Variants in SV2B observed in about 807,000 individuals in gnomAD.
SV2B encodes the protein solute carrier family 22 member B2.
A neutral mutation model predicts 73.9 loss-of-function variants in SV2B; 41 were observed. The observed-to-expected ratio is 0.56, with a 90% CI of 0.43 to 0.72. SV2B has a LOEUF of 0.72. Among genes scored for constraint, SV2B ranks in the 30% least tolerant of loss-of-function variants. The probability of loss-of-function intolerance (pLI) is 0.00; values close to 1 mark genes in which losing one functional copy is unlikely to be tolerated. For synonymous variants in SV2B, 314 were observed against 314.2 expected, an observed-to-expected ratio of 1.00 and a Z score of 0.01; for missense variants, 764 against 857.8, an observed-to-expected ratio of 0.89 and a Z score of 1.37.
chr15:91,201,216 G>T (rs2045448514), intron 1 of SV2B, among the ~76,000 whole-genome samples: 2 of 152,098 alleles, frequency 1.3e-5, no homozygotes, highest in South Asian at 4.1e-4. Context: ...CCCTTTTTGG[G>T]TGCCTCTTTG....
At chr15:91,217,006 G>A (rs533101694) in intron 1 of SV2B, among the ~76,000 whole-genome samples, 1 of 150,670 alleles carries the variant, frequency 6.6e-6, no homozygotes, top group East Asian at 2.0e-4. Flanking sequence ...TCCTGCCTCA[G>A]CATCCTGAAT....
In SV2B at chr15:91,136,475, C is replaced by T. The variant is rs1032943260; in HGVS notation, c.-392+36112C>T. ...TGGAGAACCAGTGGGAAGGCCCATG[C>T]GTCTCGGGTGCTTTGTCCCAGGGAG... On this transcript the variant is annotated intron_variant, in intron 1 of 12. Coordinates refer to ENST00000394232, the MANE Select transcript of SV2B (RefSeq NM_001323032.3). The surrounding 1 kb of genome is among the most constrained non-coding windows in gnomAD (Gnocchi z 5.6). 1.2e-4 allele frequency among the ~76,000 whole-genome samples: 18 copies of T among 152,192 alleles called. No individual in the cohort carries two copies. Among genetic ancestry groups the T allele is most frequent in the African/African-American group, 4.1e-4 (17 of 41,460 alleles).
intron 1 of SV2B, among the ~76,000 whole-genome samples, chr15:91,176,205 C>T (rs2044302662): frequency 6.6e-6 from 1 of 152,158 alleles, no homozygotes; most frequent in African/African-American, 2.4e-5. Flanking sequence ...CATGTCCCTA[C>T]AAAGGACATG....
At chr15:91,256,451 C>A (rs974766569) in intron 4 of SV2B, among the ~76,000 whole-genome samples, 2 of 152,054 alleles carry the variant, frequency 1.3e-5, no homozygotes, top group Admixed American at 6.6e-5. Flanking sequence ...CTGCTTCTGC[C>A]CCTCTTCCCT....
chr15:91,281,843 A>G lies in SV2B; in HGVS notation c.1489A>G (p.Thr497Ala), dbSNP rs1331972958. The stretch of plus-strand genomic sequence containing the variant: ...CTTCAAAAATTGTACCATTGAATCA[A>G]CCATCTTTTACAACACAGGTAGGTA... ...TYFKNCTIES[T>A]IFYNTDLYEH... The change falls in exon 10 of 13, where the codon ACC becomes GCC. Residue 497 changes from threonine (T) to alanine (A), a missense_variant. Coordinates refer to ENST00000394232, the MANE Select transcript of SV2B (RefSeq NM_001323032.3). This position sits in a 1 kb window ranked among gnomAD's most constrained non-coding sequence, Gnocchi z 4.7. 2 of 1,611,984 alleles carry G rather than the reference A, an allele frequency of 1.2e-6. No individual in the cohort carries two copies. Among genetic ancestry groups the G allele is most frequent in the Non-Finnish European group, 1.7e-6 (2 of 1,178,958 alleles).
chr15:91,233,162 A>G (rs979188206), intron 2 of SV2B, among the ~76,000 whole-genome samples: 3 of 152,170 alleles, frequency 2.0e-5, no homozygotes, highest in Non-Finnish European at 4.4e-5. Flanking sequence ...CTCTATTTCT[A>G]GGAGTAAAGA....
Position 91,136,829 on chromosome 15 carries a change from G to A in SV2B, c.-392+36466G>A, listed in dbSNP as rs773619986. Reference sequence around the variant, plus strand: ...ATGGGATCCAGAGGTGGGTGGCAGTGATGAAACAAGAGGGCAAGCAGCTTT... The same window carrying A: ...ATGGGATCCAGAGGTGGGTGGCAGTAATGAAACAAGAGGGCAAGCAGCTTT... On this transcript the variant is annotated intron_variant, in intron 1 of 12. Coordinates refer to ENST00000394232, the MANE Select transcript of SV2B (RefSeq NM_001323032.3). The surrounding 1 kb of genome is among the most constrained non-coding windows in gnomAD (Gnocchi z 5.6). Among the ~76,000 whole-genome samples the A allele has an allele frequency of 1.1e-4, 16 of 152,166 alleles. No individual in the cohort carries two copies. Among genetic ancestry groups the A allele is most frequent in the Non-Finnish European group, 1.9e-4 (13 of 68,024 alleles).
At chr15:91,243,462 GTGACAGATACCCC>G (rs1412885451) in intron 2 of SV2B, among the ~76,000 whole-genome samples, 29 of 152,316 alleles carry the variant, frequency 1.9e-4, no homozygotes, top group South Asian at 2.1e-4. Context: ...ATTAAGGAAA[GTGACAGATACCCC>G]TCTGCCCCAA....
chr15:91,221,226 G>A (rs1382374105), intron 1 of SV2B, among the ~76,000 whole-genome samples: 2 of 152,138 alleles, frequency 1.3e-5, no homozygotes, highest in Non-Finnish European at 2.9e-5. Context: ...GATCACATCT[G>A]TACCAGACAC....
chr15:91,215,447 A>C (rs1021286332), intron 1 of SV2B, among the ~76,000 whole-genome samples: 1 of 152,196 alleles, frequency 6.6e-6, no homozygotes, highest in Non-Finnish European at 1.5e-5. Context: ...TAAGGATCAC[A>C]CTAGAAAACA....
intron 1 of SV2B, among the ~76,000 whole-genome samples, chr15:91,205,952 T>G (rs1478385717): frequency 1.3e-5 from 2 of 152,198 alleles, no homozygotes; most frequent in Non-Finnish European, 2.9e-5. Context: ...CCCCTTGGCA[T>G]GATACATATG....
At chr15:91,134,164 A>G (rs571450336) in intron 1 of SV2B, among the ~76,000 whole-genome samples, 84 of 151,672 alleles carry the variant, frequency 5.5e-4, no homozygotes, top group Middle Eastern at 6.8e-3. Context: ...ACGCCTGGCT[A>G]ATTTTTGTAT....
intron 1 of SV2B, among the ~76,000 whole-genome samples, chr15:91,162,664 C>G (rs1567303978): frequency 6.6e-6 from 1 of 152,210 alleles, no homozygotes; most frequent in African/African-American, 2.4e-5. Context: ...AGGGAAAAAT[C>G]AGGTTCCAAT....
intron 1 of SV2B, among the ~76,000 whole-genome samples, chr15:91,167,000 A>G (rs2043939052): frequency 1.3e-5 from 2 of 151,914 alleles, no homozygotes; most frequent in South Asian, 4.2e-4. Flanking sequence ...TTTTTAGTAG[A>G]GACGGGGTTT....
rs976715000 is a variant in SV2B, at chr15:91,240,248, CTTGG to C, written c.452-11568_452-11565del. On this transcript the variant is annotated intron_variant, in intron 2 of 12. Transcript: ENST00000394232. This position sits in a 1 kb window ranked among gnomAD's most constrained non-coding sequence, Gnocchi z 4.6. ...ACACAAGTAACTTAACCTCCCTAAC[CTTGG>C]TTTCTTAATGTGTGATATTAAAATA... Among the ~76,000 whole-genome samples the C allele has an allele frequency of 2.6e-5, 4 of 152,174 alleles. No individual in the cohort carries two copies. The highest frequency in any genetic ancestry group is 9.7e-5 in the African/African-American group (4 of 41,438).
intron 1 of SV2B, among the ~76,000 whole-genome samples, chr15:91,183,608 G>C (rs1162071503): frequency 6.6e-6 from 1 of 152,284 alleles, no homozygotes; most frequent in African/African-American, 2.4e-5. Flanking sequence ...ATGTCATCTT[G>C]CCTTCCCCAT....
At chr15:91,218,886 G>A (rs1048895519) in intron 1 of SV2B, among the ~76,000 whole-genome samples, 1 of 152,070 alleles carries the variant, frequency 6.6e-6, no homozygotes, top group African/African-American at 2.4e-5. Flanking sequence ...TTGGCTAAGG[G>A]GACCATCTTT....
chr15:91,270,962 T>G, intron 9 of SV2B, among the ~76,000 whole-genome samples: 1 of 149,408 alleles, frequency 6.7e-6, no homozygotes, highest in African/African-American at 2.5e-5. Context: ...GGACGGTGAG[T>G]CCTGTGGATG....
rs2048150548 is a variant in SV2B, at chr15:91,267,614, G to A, written c.1179G>A (p.Leu393=). ...MGPYRMNTLI[L]AVVWFAMAFS... The stretch of plus-strand genomic sequence containing the variant: ...CCTACAGAATGAATACACTGATTCT[G>A]GCCGTGGTTTGGTTTGCCATGGCAT... The change falls in exon 8 of 13, where the codon CTG becomes CTA. Residue 393 remains leucine (L), a synonymous_variant. Coordinates refer to ENST00000394232, the MANE Select transcript of SV2B (RefSeq NM_001323032.3). This position sits in a 1 kb window ranked among gnomAD's most constrained non-coding sequence, Gnocchi z 4.3. The A allele has an allele frequency of 6.2e-7, 1 of 1,613,080 alleles. No homozygotes were observed. The highest frequency in any genetic ancestry group is 1.3e-5 in the African/African-American group (1 of 74,994).
Sources: allele counts gnomAD v4.1 joint callset (sites outside exome capture counted in the v4.1 genomes callset), GRCh38; gene constraint gnomAD v4.1.1; non-coding constraint Gnocchi (gnomAD v3.1); transcripts MANE v1.5; gene names NCBI Gene and HGNC (gene_info 2026-07-23, HGNC 2026-07-21).